Variants in PIK3CG observed in about 807,000 individuals in gnomAD.
The protein encoded by PIK3CG is phosphatidylinositol 4,5-bisphosphate 3-kinase catalytic subunit gamma isoform.
In PIK3CG, 55 loss-of-function variants were observed where a neutral mutation model predicts 102.3. The ratio of observed to expected loss-of-function variants is 0.54; its 90% CI spans 0.43 to 0.67. The LOEUF is 0.67. Among genes scored for constraint, PIK3CG ranks in the 30% least tolerant of loss-of-function variants. The pLI is 0.00. For synonymous variants in PIK3CG, 552 were observed against 540.0 expected (o/e 1.02, Z -0.31); for missense variants, 1,258 against 1,391.8 (o/e 0.90, Z 1.53).
Position 106,880,262 on chromosome 7 carries a change from T to G in PIK3CG, c.2538+597T>G, listed in dbSNP as rs1790892581. Among the ~76,000 whole-genome samples, 1 of 152,244 alleles carries G rather than the reference T, an allele frequency of 6.6e-6. No homozygotes were observed. Among genetic ancestry groups the G allele is most frequent in the African/African-American group, 2.4e-5 (1 of 41,472 alleles). On this transcript the variant is annotated intron_variant, in intron 6 of 10. Transcript: ENST00000496166. The surrounding 1 kb of genome is among the most constrained non-coding windows in gnomAD (Gnocchi z 4.2). Reference sequence around the variant, plus strand: ...TTCACAAGTCTGTAAAGTAATATTCTCCAGATTCTAGTTGGTCAGTGTTGT... The same window carrying G: ...TTCACAAGTCTGTAAAGTAATATTCGCCAGATTCTAGTTGGTCAGTGTTGT...
At chr7:106,885,017 A>G (rs1312173425) in intron 9 of PIK3CG, among the ~76,000 whole-genome samples, 1 of 152,154 alleles carries the variant, frequency 6.6e-6, no homozygotes, top group Non-Finnish European at 1.5e-5. Context: ...ATCTGACAGG[A>G]GGTGGAGCTC....
chr7:106,906,972 T>A lies in PIK3CG; in HGVS notation c.*1585T>A, dbSNP rs1051003212. The stretch of plus-strand genomic sequence containing the variant: ...GAGACTCCATCTCTTAAAAAAAAAA[T>A]TAGCTGGGTATAGTGGTATGTGCCT... On this transcript the variant is annotated 3_prime_UTR_variant, in exon 11 of 11. Coordinates refer to ENST00000496166, the MANE Select transcript of PIK3CG (RefSeq NM_001282426.2). 6 of 216,534 alleles carry A rather than the reference T, an allele frequency of 2.8e-5. No individual in the cohort carries two copies. The highest frequency in any genetic ancestry group is 5.9e-5 in the Admixed American group (1 of 17,022). 13.4% of individuals were successfully genotyped at this position (216,534 alleles called of 1,614,324 possible).
chr7:106,901,979 G>A (rs1281487878), intron 10 of PIK3CG, among the ~76,000 whole-genome samples: 1 of 152,148 alleles, frequency 6.6e-6, no homozygotes, highest in African/African-American at 2.4e-5. Flanking sequence ...CTGAAAGTGT[G>A]GGTTTCTCTC....
At position 106,897,952 on chromosome 7, in the gene PIK3CG, C is replaced by T. The variant is rs12671518; in HGVS notation, c.3031-7157C>T. On this transcript the variant is annotated intron_variant, in intron 10 of 10. Transcript: ENST00000496166. This position sits in a 1 kb window ranked among gnomAD's most constrained non-coding sequence, Gnocchi z 4.6. Reference sequence around the variant, plus strand: ...TCATGCTTTTAGCTCTTTGAAGAATCGCCACATTGCTTTCCACAATGGTTG... The same window carrying T: ...TCATGCTTTTAGCTCTTTGAAGAATTGCCACATTGCTTTCCACAATGGTTG... Among the ~76,000 whole-genome samples, 55,195 of 152,014 alleles carry T rather than the reference C, an allele frequency of 0.36. 10,782 individuals carry two copies. Among genetic ancestry groups the T allele is most frequent in the East Asian group, 0.45 (2,352 of 5,170 alleles).
chr7:106,890,216 C>G lies in PIK3CG; in HGVS notation c.3030+3924C>G, dbSNP rs1791232851. Among the ~76,000 whole-genome samples the G allele has an allele frequency of 1.3e-5, 2 of 152,334 alleles. No homozygotes were observed. The highest frequency in any genetic ancestry group is 1.5e-5 in the Non-Finnish European group (1 of 68,030). On this transcript the variant is annotated intron_variant, in intron 10 of 10. Coordinates refer to ENST00000496166, the MANE Select transcript of PIK3CG (RefSeq NM_001282426.2). This position sits in a 1 kb window ranked among gnomAD's most constrained non-coding sequence, Gnocchi z 4.2. ...GTTTTGTTTGAGACGGAGTCTCTCT[C>G]TGTTGCCCAGGCTGGAATGCAGTGG...
intron 10 of PIK3CG, among the ~76,000 whole-genome samples, chr7:106,904,210 A>C (rs1048684608): frequency 1.3e-5 from 2 of 152,202 alleles, no homozygotes; most frequent in Non-Finnish European, 2.9e-5. Flanking sequence ...TTAATGCAGT[A>C]CCTTATGGTG....
rs1790322848 is a variant in PIK3CG, at chr7:106,867,403, T to C, written c.-12-147T>C. On this transcript the variant is annotated intron_variant, in intron 1 of 10. Transcript: ENST00000496166. The surrounding 1 kb of genome is among the most constrained non-coding windows in gnomAD (Gnocchi z 5.1). The stretch of plus-strand genomic sequence containing the variant: ...CTCCAAAGCCCACGCTCTGAAGGGC[T>C]GTAGTGCTTCCAGTTTAAAATACTT... 1 of 701,262 alleles carries C rather than the reference T, an allele frequency of 1.4e-6. No homozygotes were observed. The highest frequency in any genetic ancestry group is 2.9e-5 in the Admixed American group (1 of 34,966). 43.4% of individuals were successfully genotyped at this position (701,262 alleles called of 1,614,324 possible).
chr7:106,869,621 C>T lies in PIK3CG; in HGVS notation c.1995+65C>T, dbSNP rs2116469516. ...AGGAATTGATTTGCATATGCACAGG[C>T]ACTCCATTCAGTTGTCATCAAATGC... On this transcript the variant is annotated intron_variant, in intron 2 of 10. Transcript: ENST00000496166. The surrounding 1 kb of genome is among the most constrained non-coding windows in gnomAD (Gnocchi z 5.3). 7.6e-7 allele frequency: 1 copy of T among 1,322,474 alleles called. No homozygotes were observed. Among genetic ancestry groups the T allele is most frequent in the Non-Finnish European group, 1.0e-6 (1 of 967,176 alleles). The allele number at this position is 1,322,474 out of a possible 1,614,324, so 81.9% of individuals were successfully genotyped here. A position where few individuals can be genotyped will look rare whatever the true frequency, so the allele number is the denominator to read the frequency against.
Position 106,867,948 on chromosome 7 carries a change from C to A in PIK3CG, c.387C>A (p.His129Gln), listed in dbSNP as rs780713089. The change falls in exon 2 of 11, where the codon CAC becomes CAA. Residue 129 changes from histidine to glutamine, a missense_variant. This residue lies in a region of PIK3CG where 832 missense variants were observed against 787.5 expected (regional missense o/e 1.06). Coordinates refer to ENST00000496166, the MANE Select transcript of PIK3CG (RefSeq NM_001282426.2). This position sits in a 1 kb window ranked among gnomAD's most constrained non-coding sequence, Gnocchi z 5.1. ...GCCTGCGCTACTGGAAGGCCACGCA[C>A]CGGAGCCCGGGCCAGATCCACCTGG... The part of the protein sequence containing the change: ...LDCLRYWKAT[H>Q]RSPGQIHLVQ... 6.2e-7 allele frequency: 1 copy of A among 1,613,082 alleles called. No individual in the cohort carries two copies. The highest frequency in any genetic ancestry group is 8.5e-7 in the Non-Finnish European group (1 of 1,179,862).
intron 6 of PIK3CG, among the ~76,000 whole-genome samples, chr7:106,881,144 C>T (rs1460763381): frequency 6.6e-6 from 1 of 152,138 alleles, no homozygotes; most frequent in East Asian, 1.9e-4. Context: ...TTGTGAAAGA[C>T]ACCATGACAA....
Position 106,867,793 on chromosome 7 carries a change from G to A in PIK3CG, c.232G>A (p.Ala78Thr), listed in dbSNP as rs1308301660. The change falls in exon 2 of 11, where the codon GCG becomes ACG. Residue 78 changes from alanine to threonine, a missense_variant. By Grantham distance (58) the Ala-to-Thr change is moderately conservative. Transcript: ENST00000496166. This position sits in a 1 kb window ranked among gnomAD's most constrained non-coding sequence, Gnocchi z 5.1. ...EQMKAQVWLR[A>T]LETSVAADFY... ...GATGAAGGCCCAGGTGTGGCTGCGA[G>A]CGCTGGAGACCAGCGTGGCGGCGGA... 3 of 1,612,680 alleles carry A rather than the reference G, an allele frequency of 1.9e-6. No homozygotes were observed. The South Asian group carries it at 3.3e-5, about 18-fold the overall frequency.
At position 106,892,009 on chromosome 7, in the gene PIK3CG, G is replaced by A. The variant is rs1791279730; in HGVS notation, c.3030+5717G>A. 6.6e-6 allele frequency among the ~76,000 whole-genome samples: 1 copy of A among 151,682 alleles called. No homozygotes were observed. Among genetic ancestry groups the A allele is most frequent in the African/African-American group, 2.4e-5 (1 of 41,218 alleles). The stretch of plus-strand genomic sequence containing the variant: ...TTCTGTGGTCTAGCTCTACTCTTGG[G>A]TCCCACATTGTTTTAACTGCTTCTG... On this transcript the variant is annotated intron_variant, in intron 10 of 10. Coordinates refer to ENST00000496166, the MANE Select transcript of PIK3CG (RefSeq NM_001282426.2). The surrounding 1 kb of genome is among the most constrained non-coding windows in gnomAD (Gnocchi z 5.2).
Position 106,874,868 on chromosome 7 carries a change from G to C in PIK3CG, c.2391+65G>C, listed in dbSNP as rs899817640. On this transcript the variant is annotated intron_variant, in intron 5 of 10. Coordinates refer to ENST00000496166, the MANE Select transcript of PIK3CG (RefSeq NM_001282426.2). The surrounding 1 kb of genome is among the most constrained non-coding windows in gnomAD (Gnocchi z 4.3). ...TTGAAGATGTCTAACGTGCTTGCTGGGGCCCAGTACTTAAAAGCTAATGTT... is the reference window on the plus strand; with the variant it reads ...TTGAAGATGTCTAACGTGCTTGCTGCGGCCCAGTACTTAAAAGCTAATGTT... 1 of 1,044,604 alleles carries C rather than the reference G, an allele frequency of 9.6e-7. No homozygotes were observed. Among genetic ancestry groups the C allele is most frequent in the Non-Finnish European group, 1.5e-6 (1 of 678,952 alleles). The allele number at this position is 1,044,604 out of a possible 1,614,324, so 64.7% of individuals were successfully genotyped here.
rs114554185 is a variant in PIK3CG, at chr7:106,871,250, A to G, written c.1996-1287A>G. On this transcript the variant is annotated intron_variant, in intron 2 of 10. Coordinates refer to ENST00000496166, the MANE Select transcript of PIK3CG (RefSeq NM_001282426.2). ...CTGTCTTTACAGAAGTGAAACCTGA[A>G]GAAGGTCAGAAAGACTCACATCTGG... is the stretch of plus-strand genomic sequence containing the variant. Among the ~76,000 whole-genome samples the G allele has an allele frequency of 7.9e-3, 1,203 of 152,356 alleles. 20 individuals are homozygous for G. Among genetic ancestry groups the G allele is most frequent in the African/African-American group, 0.027 (1,122 of 41,574 alleles).
intron 1 of PIK3CG, among the ~76,000 whole-genome samples, chr7:106,866,487 C>G (rs180925162): frequency 2.2e-4 from 34 of 152,128 alleles, no homozygotes; most frequent in African/African-American, 7.7e-4. Flanking sequence ...ATTTGTGTTA[C>G]AAAAATGAAA....
chr7:106,867,536 C>A lies in PIK3CG; in HGVS notation c.-12-14C>A, dbSNP rs561915371. On this transcript the variant is annotated splice_polypyrimidine_tract_variant and intron_variant, in intron 1 of 10. Transcript: ENST00000496166. This position sits in a 1 kb window ranked among gnomAD's most constrained non-coding sequence, Gnocchi z 5.1. ...CCTTTCTTGTGACAAATCCCTGTGTCCCTCCGCTCCCAGGTCGCATAGGGC... is the reference window on the plus strand; with the variant it reads ...CCTTTCTTGTGACAAATCCCTGTGTACCTCCGCTCCCAGGTCGCATAGGGC... 1.1e-5 allele frequency: 16 copies of A among 1,523,624 alleles called. No homozygotes were observed. Among genetic ancestry groups the A allele is most frequent in the South Asian group, 1.3e-5 (1 of 76,920 alleles). 94.4% of individuals were successfully genotyped at this position (1,523,624 alleles called of 1,614,324 possible).
Position 106,869,443 on chromosome 7 carries a change from A to G in PIK3CG, c.1882A>G (p.Met628Val). The G allele has an allele frequency of 6.2e-7, 1 of 1,614,220 alleles. No individual in the cohort carries two copies. Among genetic ancestry groups the G allele is most frequent in the Non-Finnish European group, 8.5e-7 (1 of 1,180,026 alleles). The change falls in exon 2 of 11, where the codon ATG becomes GTG. Residue 628 changes from methionine (M) to valine (V), a missense_variant. By Grantham distance (21) the Met-to-Val change is conservative. This residue lies in a region of PIK3CG where 426 missense variants were observed against 604.2 expected (regional missense o/e 0.71). Transcript: ENST00000496166. The surrounding 1 kb of genome is among the most constrained non-coding windows in gnomAD (Gnocchi z 5.3). ...DQSALDVGLT[M>V]QLLDCNFSDE... The stretch of plus-strand genomic sequence containing the variant: ...AAGTGCTTTGGATGTTGGGTTAACA[A>G]TGCAGCTCCTGGACTGCAACTTCTC...
rs992409650 is a variant in PIK3CG at position 106,884,965 on chromosome 7, C to T, written c.2872+699C>T. On this transcript the variant is annotated intron_variant, in intron 9 of 10. Transcript: ENST00000496166. The surrounding 1 kb of genome is among the most constrained non-coding windows in gnomAD (Gnocchi z 4.2). ...CTAGATCTTTCTCGTGCACAGTTCA[C>T]AATAGGGTTTGTGTTCCTATGAGAA... 9.2e-5 allele frequency among the ~76,000 whole-genome samples: 14 copies of T among 152,154 alleles called. No individual in the cohort carries two copies. The highest frequency in any genetic ancestry group is 1.3e-4 in the Admixed American group (2 of 15,280).
chr7:106,894,163 A>G lies in PIK3CG; in HGVS notation c.3030+7871A>G, dbSNP rs1030721194. Among the ~76,000 whole-genome samples, 2 of 152,048 alleles carry G rather than the reference A, an allele frequency of 1.3e-5. No homozygotes were observed. The highest frequency in any genetic ancestry group is 2.4e-5 in the African/African-American group (1 of 41,382). On this transcript the variant is annotated intron_variant, in intron 10 of 10. Coordinates refer to ENST00000496166, the MANE Select transcript of PIK3CG (RefSeq NM_001282426.2). This position sits in a 1 kb window ranked among gnomAD's most constrained non-coding sequence, Gnocchi z 4.4. ...TTGTTTCCTTTCCTTTTTTCAGCCA[A>G]TTCTAACTAATGCTATTTTGACTTT... is the stretch of plus-strand genomic sequence containing the variant.
Sources: gnomAD v4.1 joint callset for allele counts (sites outside exome capture counted in the v4.1 genomes callset) on GRCh38, gnomAD v4.1.1 for gene constraint, gnomAD v4.1.1 regional missense constraint, Gnocchi (gnomAD v3.1) non-coding constraint, MANE v1.5 for transcripts, NCBI Gene and HGNC (gene_info 2026-07-23, HGNC 2026-07-21) for gene names.